The following PDE10A variants were observed in gnomAD, a reference collection of about 807,000 sequenced individuals.
The protein encoded by PDE10A is phosphodiesterase 10A, also known as cAMP and cAMP-inhibited cGMP 3',5'-cyclic phosphodiesterase 10A.
Under a neutral mutation model 97.7 loss-of-function variants are expected in PDE10A, and 39 were observed. That is an observed-to-expected ratio of 0.40 (90% CI 0.31 to 0.52). PDE10A has a LOEUF of 0.52. Among genes scored for constraint, PDE10A ranks in the 20% least tolerant of loss-of-function variants. The pLI is 0.56. For synonymous variants in PDE10A, 371 were observed against 376.8 expected (o/e 0.98, Z 0.18); for missense variants, 731 against 1,047.8 (o/e 0.70, Z 4.17).
At chr6:165,839,580 G>A (rs1208622851) in intron 1 of PDE10A, among the ~76,000 whole-genome samples, 1 of 152,096 alleles carries the variant, frequency 6.6e-6, no homozygotes, top group African/African-American at 2.4e-5. Flanking sequence ...AGTCCACAGT[G>A]GGAATTGAAA....
intron 14 of PDE10A, among the ~76,000 whole-genome samples, chr6:165,395,472 T>C (rs1377565008): frequency 2.0e-5 from 3 of 152,174 alleles, no homozygotes; most frequent in Non-Finnish European, 4.4e-5. Context: ...TAGTCCAATA[T>C]TTGAGTTATT....
intron 1 of PDE10A, among the ~76,000 whole-genome samples, chr6:165,810,591 C>T (rs549807009): frequency 1.2e-4 from 19 of 152,280 alleles, no homozygotes; most frequent in South Asian, 2.1e-4. Context: ...TTCTGCTGGA[C>T]GGTTGAACAT....
At chr6:165,339,496 A>G (rs1241941050) in intron 19 of PDE10A, 138 bp from the exon 20 acceptor site, 1 of 620,078 alleles carries the variant, frequency 1.6e-6, no homozygotes, top group African/African-American at 1.8e-5. Flanking sequence ...CAAGAAAAGT[A>G]CATCAAAATA....
At chr6:165,660,523 C>G (rs1406835787) in intron 1 of PDE10A, 1 of 152,390 alleles carries the variant, frequency 6.6e-6, no homozygotes, top group African/African-American at 2.4e-5. Context: ...GCCCGGGAAG[C>G]GGGGTTGCAA....
chr6:165,762,167 A>T (rs1461306980), intron 1 of PDE10A, among the ~76,000 whole-genome samples: 1 of 152,188 alleles, frequency 6.6e-6, no homozygotes, highest in East Asian at 1.9e-4. Flanking sequence ...TCTGCTTCCT[A>T]TTGAAAAACT....
At chr6:165,666,354 A>G (rs1790496039), upstream of PDE10A, among the ~76,000 whole-genome samples, 2 of 152,236 alleles carry the variant, frequency 1.3e-5, no homozygotes, top group East Asian at 1.9e-4. Context: ...ACTTATACAG[A>G]TGTCTACCAA....
chr6:165,693,322 G>A (rs1030005519), intron 1 of PDE10A, among the ~76,000 whole-genome samples: 8 of 152,052 alleles, frequency 5.3e-5, no homozygotes, highest in African/African-American at 1.9e-4. Context: ...TCTGAGGTCA[G>A]GAGTTCAAGA....
Position 165,655,210 on chromosome 6 carries a change from G to GA in PDE10A, c.865+6736_865+6737insT. Among the ~76,000 whole-genome samples, 1 of 151,300 alleles carries GA rather than the reference G, an allele frequency of 6.6e-6. No individual in the cohort carries two copies. The highest frequency in any genetic ancestry group is 2.1e-4 in the South Asian group (1 of 4,760). ...GAGGCATCTATATACTGTCCTTGGG[G>GA]CATCCAATCCCATGATTTTAGATGC... is the stretch of plus-strand genomic sequence containing the variant. On this transcript the variant is annotated intron_variant, in intron 1 of 21. Coordinates refer to ENST00000539869, the MANE Select transcript of PDE10A (RefSeq NM_001385079.1). The surrounding 1 kb of genome is among the most constrained non-coding windows in gnomAD (Gnocchi z 4.5).
chr6:165,855,312 G>T lies in PDE10A; in HGVS notation c.-615+132217C>A, dbSNP rs867980467. On this transcript the variant is annotated intron_variant, in intron 1 of 19. Coordinates refer to the PDE10A transcript ENST00000366882. ...AGGCGGCGCGGGAAGTGGCGGGGGGGGGGGGGGACTCAGGGGCGCTGCCTC... is the reference window on the plus strand; with the variant it reads ...AGGCGGCGCGGGAAGTGGCGGGGGGTGGGGGGGACTCAGGGGCGCTGCCTC... Among the ~76,000 whole-genome samples the T allele has an allele frequency of 1.8e-4, 27 of 151,198 alleles. 2 individuals are homozygous for T. The highest frequency in any genetic ancestry group is 1.6e-3 in the East Asian group (8 of 5,066).
At chr6:165,529,703 T>G (rs916147547) in intron 2 of PDE10A, among the ~76,000 whole-genome samples, 2 of 152,264 alleles carry the variant, frequency 1.3e-5, no homozygotes, top group Non-Finnish European at 2.9e-5. Flanking sequence ...ATATCGGCAT[T>G]GAAGTATTGT....
intron 1 of PDE10A, among the ~76,000 whole-genome samples, chr6:165,956,315 T>C (rs1422290998): frequency 2.0e-5 from 3 of 152,252 alleles, no homozygotes; most frequent in African/African-American, 7.2e-5. Flanking sequence ...AAGGAATCAA[T>C]GCCTGTGGCA....
chr6:165,758,720 T>G (rs555125988), intron 1 of PDE10A, among the ~76,000 whole-genome samples: 7 of 145,130 alleles, frequency 4.8e-5, no homozygotes, highest in East Asian at 2.1e-4. Context: ...GGGAGGAGGA[T>G]GAGGAGGAGG....
chr6:165,839,932 T>TCCCCA (rs1198923570), intron 1 of PDE10A, among the ~76,000 whole-genome samples: 10,995 of 150,112 alleles, frequency 0.073, no homozygotes, highest in Middle Eastern at 0.091. Flanking sequence ...CTCATCTCCA[T>TCCCCA]TCTTATCTTC....
intron 1 of PDE10A, among the ~76,000 whole-genome samples, chr6:165,555,136 A>C (rs1404705811): frequency 6.6e-6 from 1 of 152,162 alleles, no homozygotes; most frequent in Non-Finnish European, 1.5e-5. Context: ...AGTCAATAAT[A>C]ACCTACCTGT....
chr6:165,957,967 C>G (rs757329697), intron 1 of PDE10A, among the ~76,000 whole-genome samples: 3 of 152,168 alleles, frequency 2.0e-5, no homozygotes, highest in African/African-American at 7.2e-5. Context: ...GCGGTGGTTC[C>G]CCAGCAGTGG....
At chr6:165,560,765 C>T (rs374157323) in intron 1 of PDE10A, among the ~76,000 whole-genome samples, 29 of 152,098 alleles carry the variant, frequency 1.9e-4, no homozygotes, top group African/African-American at 5.3e-4. Context: ...CAGGGGAGAA[C>T]GTCTATGCTT....
intron 1 of PDE10A, among the ~76,000 whole-genome samples, chr6:165,602,515 C>T (rs550168538): frequency 6.6e-6 from 1 of 152,286 alleles, no homozygotes; most frequent in Non-Finnish European, 1.5e-5. Flanking sequence ...GGCAGATATA[C>T]CATGAAGCTA....
At chr6:165,720,049 A>G (rs922104945) in intron 1 of PDE10A, among the ~76,000 whole-genome samples, 3 of 152,238 alleles carry the variant, frequency 2.0e-5, no homozygotes, top group African/African-American at 7.2e-5. Flanking sequence ...CAGGCGCTCA[A>G]TAGACAACGT....
chr6:165,374,430 T>C (rs1784480303), intron 18 of PDE10A, among the ~76,000 whole-genome samples: 1 of 151,826 alleles, frequency 6.6e-6, no homozygotes, highest in South Asian at 2.1e-4. Flanking sequence ...AAAATTTTAA[T>C]ATCCTTAACA....
Sources: gnomAD v4.1 joint callset for allele counts (sites outside exome capture counted in the v4.1 genomes callset) on GRCh38, gnomAD v4.1.1 for gene constraint, Gnocchi (gnomAD v3.1) non-coding constraint, MANE v1.5 for transcripts, NCBI Gene and HGNC (gene_info 2026-07-23, HGNC 2026-07-21) for gene names.